The following RPH3AL variants were observed in gnomAD, a reference collection of about 807,000 sequenced individuals.
The protein encoded by RPH3AL is rab effector Noc2.
RPH3AL carries 38 observed loss-of-function variants against 43.1 expected under a neutral mutation model. That is an observed-to-expected ratio of 0.88 (90% CI 0.68 to 1.15). RPH3AL has a LOEUF of 1.15. Among genes scored for constraint, RPH3AL ranks in the 50% most tolerant of loss-of-function variants. The probability of loss-of-function intolerance (pLI) is 0.00; values close to 1 mark genes in which losing one functional copy is unlikely to be tolerated. For missense variants in RPH3AL, 462 were observed against 423.2 expected, an observed-to-expected ratio of 1.09 and a Z score of -0.81; for synonymous variants, 189 against 176.3, an observed-to-expected ratio of 1.07 and a Z score of -0.57.
intron 3 of RPH3AL, among the ~76,000 whole-genome samples, chr17:325,670 C>A (rs539074476): frequency 4.6e-5 from 7 of 152,212 alleles, no homozygotes; most frequent in Admixed American, 1.3e-4. Flanking sequence ...ACCTGGGTAA[C>A]TATTCAAATA....
chr17:251,620 G>T (rs1046263513), intron 6 of RPH3AL, among the ~76,000 whole-genome samples: 6 of 152,238 alleles, frequency 3.9e-5, no homozygotes, highest in Non-Finnish European at 8.8e-5. Flanking sequence ...GGACACCAGA[G>T]TGGAGAGGAC....
chr17:324,164 G>A (rs2044554584), intron 3 of RPH3AL, among the ~76,000 whole-genome samples: 1 of 152,160 alleles, frequency 6.6e-6, no homozygotes, highest in African/African-American at 2.4e-5. Context: ...GGCCTCCACC[G>A]CTGACTCAAG....
intron 5 of RPH3AL, among the ~76,000 whole-genome samples, chr17:301,136 C>A (rs1423697385): frequency 6.6e-6 from 1 of 152,268 alleles, no homozygotes; most frequent in Non-Finnish European, 1.5e-5. Context: ...CTGGATGCTC[C>A]GCCATAGGGG....
rs918950239 is a variant in RPH3AL at position 264,974 on chromosome 17, A to G, written c.438+16794T>C. Among the ~76,000 whole-genome samples the G allele has an allele frequency of 2.2e-4, 33 of 152,244 alleles. No homozygotes were observed. The highest frequency in any genetic ancestry group is 4.8e-4 in the African/African-American group (20 of 41,464). ...CTTTGAAAGTAGATATAAAAGAATC[A>G]GTTAACAAAACAAATCTGACCCAAA... On this transcript the variant is annotated intron_variant, in intron 6 of 9. Transcript: ENST00000331302. The surrounding 1 kb of genome is among the most constrained non-coding windows in gnomAD (Gnocchi z 4.8).
Position 322,460 on chromosome 17 carries a change from G to A in RPH3AL, c.78-1045C>T, listed in dbSNP as rs2044508226. On this transcript the variant is annotated intron_variant, in intron 3 of 9. Transcript: ENST00000331302. The surrounding 1 kb of genome is among the most constrained non-coding windows in gnomAD (Gnocchi z 4.0). ...GACACAGATACCTATTTAACTAACAGGTCTAAGGCGTTTTCATTCTACGCA... is the reference window on the plus strand; with the variant it reads ...GACACAGATACCTATTTAACTAACAAGTCTAAGGCGTTTTCATTCTACGCA... 1.3e-5 allele frequency: 2 copies of A among 152,194 alleles called. No individual in the cohort carries two copies. The highest frequency in any genetic ancestry group is 1.5e-5 in the Non-Finnish European group (1 of 68,044). 9.4% of individuals were successfully genotyped at this position (152,194 alleles called of 1,614,324 possible).
intron 4 of RPH3AL, among the ~76,000 whole-genome samples, chr17:320,922 C>T (rs2044451832): frequency 6.6e-6 from 1 of 152,180 alleles, no homozygotes; most frequent in Admixed American, 6.5e-5. Context: ...TGTGGCTTGG[C>T]CTCCACCTGA....
intron 5 of RPH3AL, among the ~76,000 whole-genome samples, chr17:313,222 C>T (rs2043687691): frequency 6.6e-6 from 1 of 152,204 alleles, no homozygotes; most frequent in Non-Finnish European, 1.5e-5. Flanking sequence ...GTCTCCATCC[C>T]TATCATCTCC....
At chr17:297,213 C>T (rs1417123648) in intron 5 of RPH3AL, among the ~76,000 whole-genome samples, 1 of 152,250 alleles carries the variant, frequency 6.6e-6, no homozygotes, top group East Asian at 1.9e-4. Context: ...TCGCCTATCC[C>T]CACATGCCCC....
chr17:338,881 C>G (rs1242862289), intron 1 of RPH3AL: 1 of 152,336 alleles, frequency 6.6e-6, no homozygotes, highest in Non-Finnish European at 1.5e-5. Context: ...TGGAAAAGGC[C>G]CAGTCCTCAG....
chr17:317,117 C>G lies in RPH3AL; in HGVS notation c.351+2303G>C, dbSNP rs374252572. On this transcript the variant is annotated intron_variant, in intron 5 of 9. Coordinates refer to ENST00000331302, the MANE Select transcript of RPH3AL (RefSeq NM_006987.4). ...CCAGTGACCTGTAGTCCCTGTGACT[C>G]CACCTCCACTGACGTGTAGTCCCTG... is the stretch of plus-strand genomic sequence containing the variant. Among the ~76,000 whole-genome samples, 215 of 150,284 alleles carry G rather than the reference C, an allele frequency of 1.4e-3. 1 individual carries two copies. In the East Asian group the frequency reaches 0.037, roughly 26 times the overall value.
At chr17:266,708 G>A (rs72806003) in intron 6 of RPH3AL, among the ~76,000 whole-genome samples, 9,766 of 152,330 alleles carry the variant, frequency 0.064, 425 homozygotes, top group Non-Finnish European at 0.087. Flanking sequence ...AAGGAAAAAC[G>A]GCAGTGAGAA....
intron 1 of RPH3AL, among the ~76,000 whole-genome samples, chr17:352,206 A>G (rs1487186501): frequency 6.6e-6 from 1 of 152,186 alleles, no homozygotes. Context: ...CCCCTGAGCC[A>G]GTCTTGCACG....
At chr17:337,396 C>T (rs1170158416) in intron 1 of RPH3AL, among the ~76,000 whole-genome samples, 4 of 152,204 alleles carry the variant, frequency 2.6e-5, no homozygotes, top group African/African-American at 7.2e-5. Flanking sequence ...CCACGACACC[C>T]AGCCTGCCAA....
In RPH3AL at chr17:264,465, C is replaced by T. The variant is rs149664834; in HGVS notation, c.439-17180G>A. ...TGACAGCAGGATTACCCTTCGGAGC[C>T]GCGAGCGCTGGATGGGGACTCAGAA... On this transcript the variant is annotated intron_variant, in intron 6 of 9. Transcript: ENST00000331302. The surrounding 1 kb of genome is among the most constrained non-coding windows in gnomAD (Gnocchi z 4.8). 3.9e-3 allele frequency among the ~76,000 whole-genome samples: 565 copies of T among 145,482 alleles called. 14 individuals are homozygous for T. The highest frequency in any genetic ancestry group is 0.013 in the African/African-American group (515 of 39,524).
At chr17:241,103 T>C (rs9909439) in intron 7 of RPH3AL, among the ~76,000 whole-genome samples, 107,489 of 150,692 alleles carry the variant, frequency 0.71, 38,455 homozygotes, top group South Asian at 0.79. Context: ...ATAATAATCT[T>C]GTTGGCCAAG....
chr17:243,997 T>C (rs986722124), intron 7 of RPH3AL, among the ~76,000 whole-genome samples: 3 of 151,500 alleles, frequency 2.0e-5, no homozygotes, highest in African/African-American at 7.3e-5. Flanking sequence ...TTACCCTTCC[T>C]CTATTGATTA....
At chr17:227,793 T>A (rs2041139684) in intron 7 of RPH3AL, among the ~76,000 whole-genome samples, 1 of 152,042 alleles carries the variant, frequency 6.6e-6, no homozygotes, top group South Asian at 2.1e-4. Flanking sequence ...CCAGAAATTA[T>A]GGGAATTATA....
intron 6 of RPH3AL, among the ~76,000 whole-genome samples, chr17:248,088 G>A (rs2151546335): frequency 1.3e-5 from 2 of 152,270 alleles, no homozygotes; most frequent in Admixed American, 6.5e-5. Context: ...AGAGCTGCAT[G>A]GGATGGACTC....
At position 336,463 on chromosome 17, in the gene RPH3AL, C is replaced by T. The variant is rs886572297; in HGVS notation, c.-212-2529G>A. On this transcript the variant is annotated intron_variant, in intron 1 of 9. Transcript: ENST00000331302. ...CTGACAAACCTCCCTCAAACTCCAC[C>T]GCCCCCGGGCACCCTGCCAGGTCTG... is the stretch of plus-strand genomic sequence containing the variant. Among the ~76,000 whole-genome samples the T allele has an allele frequency of 4.6e-5, 7 of 152,148 alleles. 1 individual carries two copies. The highest frequency in any genetic ancestry group is 4.1e-4 in the South Asian group (2 of 4,830).
Sources: gnomAD v4.1 joint callset for allele counts (sites outside exome capture counted in the v4.1 genomes callset) on GRCh38, gnomAD v4.1.1 for gene constraint, Gnocchi (gnomAD v3.1) non-coding constraint, MANE v1.5 for transcripts, NCBI Gene and HGNC (gene_info 2026-07-23, HGNC 2026-07-21) for gene names.